PLCD4: variants seen among roughly 807,000 people sequenced by gnomAD.
PLCD4 encodes phospholipase C delta 4.
A neutral mutation model predicts 90.2 loss-of-function variants in PLCD4; 63 were observed. That is an observed-to-expected ratio of 0.70 (90% CI 0.57 to 0.86). PLCD4 has a LOEUF of 0.86. PLCD4 is among the 40% of genes least tolerant of loss of function. The pLI is 0.00. For missense variants in PLCD4, 830 were observed against 956.3 expected (o/e 0.87, Z 1.74); for synonymous variants, 294 against 356.5 (o/e 0.82, Z 1.97).
At chr2:218,613,147 T>C (rs1695416039) in intron 1 of PLCD4, among the ~76,000 whole-genome samples, 1 of 152,038 alleles carries the variant, frequency 6.6e-6, no homozygotes, top group Non-Finnish European at 1.5e-5. Flanking sequence ...TCCCGGCACT[T>C]TGGGAGGTCG....
chr2:218,627,039 G>A (rs770073762), intron 6 of PLCD4, among the ~76,000 whole-genome samples: 4 of 151,924 alleles, frequency 2.6e-5, no homozygotes, highest in Non-Finnish European at 4.4e-5. Context: ...GGATCACGAG[G>A]TCAGGAGATG....
At position 218,633,637 on chromosome 2, in the gene PLCD4, T is replaced by C. The variant is rs768479329; in HGVS notation, c.1482T>C (p.Ser494=). The C allele has an allele frequency of 7.4e-6, 12 of 1,613,714 alleles. No individual in the cohort carries two copies. The South Asian group carries it at 1.3e-4, about 18-fold the overall frequency. The change falls in exon 11 of 16, where the codon TCT becomes TCC. Residue 494 remains serine (S), a synonymous_variant. Coordinates refer to ENST00000450993, the MANE Select transcript of PLCD4 (RefSeq NM_032726.4). ...AGCCCATCTTGTGTCCAGCCCTCTC[T>C]TCCCTGGTTATCTACTTGAAGTCTG... The part of the protein sequence containing the change: ...KSKPILCPAL[S]SLVIYLKSVS...
intron 3 of PLCD4, among the ~76,000 whole-genome samples, chr2:218,617,158 G>T (rs1406751698): frequency 3.4e-5 from 5 of 145,296 alleles, no homozygotes; most frequent in Admixed American, 3.4e-4. Context: ...TAGAGGCGGG[G>T]TTTCACTGTG....
rs569136815 is a variant in PLCD4 at position 218,630,477 on chromosome 2, G to A, written c.1120-173G>A. On this transcript the variant is annotated intron_variant, in intron 8 of 15. Transcript: ENST00000450993. ...TAGATGTGGGCAGTGTCGCAGGCAT[G>A]GGCCTCAGACCCAGCAAGATCTCAC... Among the ~76,000 whole-genome samples, 4 of 152,334 alleles carry A rather than the reference G, an allele frequency of 2.6e-5. No homozygotes were observed. The East Asian group carries it at 7.7e-4, about 29-fold the overall frequency.
At chr2:218,630,582 G>C in intron 8 of PLCD4, 68 bp from the exon 9 acceptor site, 24 of 1,591,616 alleles carry the variant, frequency 1.5e-5, no homozygotes, top group Non-Finnish European at 2.1e-5. Context: ...CTAGGAAGCG[G>C]GTACTTGAAG....
At chr2:218,612,753 A>C (rs970677129) in intron 1 of PLCD4, among the ~76,000 whole-genome samples, 8 of 151,894 alleles carry the variant, frequency 5.3e-5, no homozygotes, top group African/African-American at 1.9e-4. Flanking sequence ...GCCTGGCGAC[A>C]GAGCAAGACT....
intron 10 of PLCD4, 120 bp from the exon 11 acceptor site, chr2:218,633,485 A>G: frequency 8.5e-7 from 1 of 1,182,220 alleles, no homozygotes; most frequent in Non-Finnish European, 1.2e-6. Flanking sequence ...CCGGCAGGTG[A>G]GGCAGGAGGG....
chr2:218,636,194 A>C (rs768761276), intron 14 of PLCD4, 49 bp from the exon 15 acceptor site: 1 of 1,584,008 alleles, frequency 6.3e-7, no homozygotes, highest in Non-Finnish European at 8.7e-7. Context: ...CAACCCAGTC[A>C]AGAAAACTGT....
At chr2:218,618,910 G>A (rs1695752217) in intron 4 of PLCD4, 103 bp downstream of exon 4, 1 of 1,115,290 alleles carries the variant, frequency 9.0e-7, no homozygotes, top group Non-Finnish European at 1.3e-6. Context: ...GCAGGGCTAG[G>A]GAGGCCCAAG....
At chr2:218,618,459 C>CA in intron 3 of PLCD4, 120 bp from the exon 4 acceptor site, 1 of 817,368 alleles carries the variant, frequency 1.2e-6, no homozygotes, top group Non-Finnish European at 2.0e-6. Flanking sequence ...ATTCAGCCTG[C>CA]AGAGGCTGGG....
chr2:218,631,910 G>A (rs1378445331), intron 9 of PLCD4, among the ~76,000 whole-genome samples: 1 of 151,970 alleles, frequency 6.6e-6, no homozygotes, highest in Non-Finnish European at 1.5e-5. Flanking sequence ...TGTCAAATGT[G>A]TGGCAGGAGA....
At position 218,637,141 on chromosome 2, in the gene PLCD4, C is replaced by T; in HGVS notation, c.*564C>T. 1 of 310,646 alleles carries T rather than the reference C, an allele frequency of 3.2e-6. No homozygotes were observed. Among genetic ancestry groups the T allele is most frequent in the Non-Finnish European group, 6.3e-6 (1 of 157,588 alleles). The allele number at this position is 310,646 out of a possible 1,614,324, so 19.2% of individuals were successfully genotyped here. A position where few individuals can be genotyped will look rare whatever the true frequency, so the allele number is the denominator to read the frequency against. Reference sequence around the variant, plus strand: ...AAGTCCCCCACTGGACTGCTTCCTCCTTAGCCCCACTGGTATAAATACATC... The same window carrying T: ...AAGTCCCCCACTGGACTGCTTCCTCTTTAGCCCCACTGGTATAAATACATC... On this transcript the variant is annotated 3_prime_UTR_variant, in exon 16 of 16. Coordinates refer to ENST00000450993, the MANE Select transcript of PLCD4 (RefSeq NM_032726.4).
chr2:218,622,119 T>C (rs2106138391), intron 5 of PLCD4: 1 of 151,996 alleles, frequency 6.6e-6, no homozygotes. Flanking sequence ...AAAGTCATGA[T>C]TCTATGAAAG....
Position 218,633,645 on chromosome 2 carries a change from T to C in PLCD4, c.1490T>C (p.Val497Ala). Residue 497 changes from valine (V) to alanine (A), a missense_variant, in exon 11 of 16, where the codon GTT becomes GCT. Physicochemically the swap from Val to Ala is moderately conservative, Grantham distance 64. Transcript: ENST00000450993. ...PILCPALSSL[V>A]IYLKSVSFRS... ...TTGTGTCCAGCCCTCTCTTCCCTGG[T>C]TATCTACTTGAAGTCTGTCTCATTC... 1 of 1,613,594 alleles carries C rather than the reference T, an allele frequency of 6.2e-7. No individual in the cohort carries two copies. The highest frequency in any genetic ancestry group is 8.5e-7 in the Non-Finnish European group (1 of 1,179,532).
At chr2:218,617,343 G>A (rs1400837948) in intron 3 of PLCD4, among the ~76,000 whole-genome samples, 5 of 149,794 alleles carry the variant, frequency 3.3e-5, no homozygotes, top group Admixed American at 6.6e-5. Context: ...TTGGGAGGCC[G>A]AGGCAGGCAG....
chr2:218,614,365 A>C (rs1186138396), intron 1 of PLCD4, among the ~76,000 whole-genome samples: 6 of 149,552 alleles, frequency 4.0e-5, no homozygotes, highest in Non-Finnish European at 8.9e-5. Flanking sequence ...GTTAGCCAGG[A>C]TGGTCTCAAT....
At chr2:218,625,090 G>C (rs1696048705) in intron 6 of PLCD4, among the ~76,000 whole-genome samples, 1 of 143,250 alleles carries the variant, frequency 7.0e-6, no homozygotes, top group Non-Finnish European at 1.5e-5. Flanking sequence ...ACTCCAGCCT[G>C]GGCGACAGAC....
chr2:218,626,691 AG>A (rs1397349101), intron 6 of PLCD4, among the ~76,000 whole-genome samples: 1 of 152,178 alleles, frequency 6.6e-6, no homozygotes, highest in Non-Finnish European at 1.5e-5. Flanking sequence ...AAGGACTAAC[AG>A]GGCCCTTTTC....
intron 3 of PLCD4, among the ~76,000 whole-genome samples, chr2:218,617,462 A>G (rs1162093570): frequency 6.6e-6 from 1 of 151,520 alleles, no homozygotes; most frequent in East Asian, 2.0e-4. Flanking sequence ...CTGTAGTCCC[A>G]GCTACTCGGA....
Sources: allele counts gnomAD v4.1 joint callset (sites outside exome capture counted in the v4.1 genomes callset), GRCh38; gene constraint gnomAD v4.1.1; transcripts MANE v1.5; gene names NCBI Gene and HGNC (gene_info 2026-07-23, HGNC 2026-07-21).